ATF7: variants seen among roughly 807,000 people sequenced by gnomAD.
The protein encoded by ATF7 is cyclic AMP-dependent transcription factor ATF-7.
A neutral mutation model predicts 50.4 loss-of-function variants in ATF7; 10 were observed. The observed-to-expected ratio is 0.20, with a 90% CI of 0.12 to 0.34. ATF7 has a LOEUF of 0.34. Ranked by LOEUF, ATF7 falls within the 10% of genes least tolerant of loss-of-function variation. The pLI is 1.00. For missense variants in ATF7, 465 were observed against 613.9 expected (o/e 0.76, Z 2.56); for synonymous variants, 201 against 226.4 (o/e 0.89, Z 1.01).
intron 9 of ATF7, among the ~76,000 whole-genome samples, chr12:53,526,322 C>T (rs1233346717): frequency 6.7e-6 from 1 of 149,286 alleles, no homozygotes; most frequent in Non-Finnish European, 1.5e-5. Context: ...AAGCCCTCCT[C>T]CTCCTCCTCC....
intron 1 of ATF7, among the ~76,000 whole-genome samples, chr12:53,623,053 G>GA (rs1944463308): frequency 6.6e-6 from 1 of 152,196 alleles, no homozygotes; most frequent in African/African-American, 2.4e-5. Flanking sequence ...TGAAATACTT[G>GA]AAGACTACCA....
intron 2 of ATF7, among the ~76,000 whole-genome samples, chr12:53,557,755 T>C (rs1453284504): frequency 6.6e-6 from 1 of 152,182 alleles, no homozygotes; most frequent in Non-Finnish European, 1.5e-5. Context: ...TCTGATATGG[T>C]AGCGACTAGC....
chr12:53,546,425 A>ATT lies in ATF7; in HGVS notation c.146-2978_146-2977insAA, dbSNP rs1939918290. 7.9e-5 allele frequency among the ~76,000 whole-genome samples: 12 copies of ATT among 151,356 alleles called. No homozygotes were observed. The Admixed American group carries it at 7.9e-4, about 10-fold the overall frequency. On this transcript the variant is annotated intron_variant, in intron 3 of 11. Coordinates refer to ENST00000420353, the MANE Select transcript of ATF7 (RefSeq NM_006856.3). ...AGAAAATATGGCTTTTGGCTGTTGA[A>ATT]AATTAAGATGATGTTTTCTTTTCTT...
In ATF7 at chr12:53,578,659, C is replaced by G. The variant is rs150468155; in HGVS notation, c.48+22294G>C. On this transcript the variant is annotated intron_variant, in intron 2 of 11. Coordinates refer to ENST00000420353, the MANE Select transcript of ATF7 (RefSeq NM_006856.3). ...ATTAGCTGGGCATGGTGGTGCTTATCTGCTGTTCCAGCTACTCCAGTGGCT... is the reference window on the plus strand; with the variant it reads ...ATTAGCTGGGCATGGTGGTGCTTATGTGCTGTTCCAGCTACTCCAGTGGCT... Among the ~76,000 whole-genome samples, 46 of 151,646 alleles carry G rather than the reference C, an allele frequency of 3.0e-4. 1 individual carries two copies. Among genetic ancestry groups the G allele is most frequent in the African/African-American group, 1.1e-3 (45 of 41,350 alleles).
rs1211238660 is a variant in ATF7 at position 53,566,995 on chromosome 12, G to A, written c.49-14358C>T. ...TCTCGAACTCCTGACCTTGTGATCCGCCCGCCTCTGCCTCCCTAAGTGCTG... is the reference window on the plus strand; with the variant it reads ...TCTCGAACTCCTGACCTTGTGATCCACCCGCCTCTGCCTCCCTAAGTGCTG... On this transcript the variant is annotated intron_variant, in intron 2 of 11. Transcript: ENST00000420353. 4.6e-5 allele frequency among the ~76,000 whole-genome samples: 7 copies of A among 151,956 alleles called. No individual in the cohort carries two copies. The East Asian group carries it at 5.8e-4, about 13-fold the overall frequency.
intron 1 of ATF7, among the ~76,000 whole-genome samples, chr12:53,608,586 T>C (rs925294980): frequency 1.3e-5 from 2 of 152,142 alleles, no homozygotes; most frequent in African/African-American, 2.4e-5. Context: ...AAAGGGAATA[T>C]AGAGCTGAAA....
intron 11 of ATF7, 41 bp from the exon 12 acceptor site, chr12:53,517,395 G>T: frequency 6.4e-7 from 1 of 1,565,230 alleles, no homozygotes; most frequent in Non-Finnish European, 8.7e-7. Context: ...CAATTGGTTA[G>T]AAAACAGAAT....
chr12:53,609,821 CT>C lies in ATF7; in HGVS notation c.-21-8801del, dbSNP rs757421100. 1.5e-3 allele frequency among the ~76,000 whole-genome samples: 171 copies of C among 115,836 alleles called. 1 individual carries two copies. The highest frequency in any genetic ancestry group is 1.6e-3 in the Admixed American group (16 of 10,258). 76.0% of individuals were successfully genotyped at this position (115,836 alleles called of 152,430 possible). Reference sequence around the variant, plus strand: ...TAGCCTTATTGTTTTAAATGTTATGCTTTTTTTTTTTTTTAGACAGGGTCTT... The same window carrying C: ...TAGCCTTATTGTTTTAAATGTTATGCTTTTTTTTTTTTTAGACAGGGTCTT... On this transcript the variant is annotated intron_variant, in intron 1 of 11. Transcript: ENST00000420353.
At chr12:53,527,143 A>C (rs1271231407) in intron 9 of ATF7, among the ~76,000 whole-genome samples, 1 of 151,992 alleles carries the variant, frequency 6.6e-6, no homozygotes, top group African/African-American at 2.4e-5. Context: ...TGGGCAACAG[A>C]GCGAGACCCT....
chr12:53,531,208 G>C (rs11170584), intron 9 of ATF7, among the ~76,000 whole-genome samples: 6,392 of 151,908 alleles, frequency 0.042, 377 homozygotes, highest in African/African-American at 0.13. Context: ...ATCACCTCAG[G>C]TCAGGAGTTG....
chr12:53,618,779 C>T (rs1224465254), intron 1 of ATF7, among the ~76,000 whole-genome samples: 1 of 152,000 alleles, frequency 6.6e-6, no homozygotes, highest in Non-Finnish European at 1.5e-5. Context: ...GGGTCGGACG[C>T]GATGGTTCTT....
intron 2 of ATF7, among the ~76,000 whole-genome samples, chr12:53,557,264 C>T (rs909301670): frequency 1.3e-5 from 2 of 152,088 alleles, no homozygotes; most frequent in East Asian, 1.9e-4. Flanking sequence ...TGCAGTGGCA[C>T]GATCTTGGCT....
chr12:53,572,263 G>A (rs1200771389), intron 2 of ATF7, among the ~76,000 whole-genome samples: 2 of 152,180 alleles, frequency 1.3e-5, no homozygotes, highest in African/African-American at 4.8e-5. Flanking sequence ...ATCTATCAGA[G>A]AAGTGAGTTC....
intron 2 of ATF7, among the ~76,000 whole-genome samples, chr12:53,567,726 G>C (rs1430917699): frequency 6.6e-6 from 1 of 152,194 alleles, no homozygotes; most frequent in African/African-American, 2.4e-5. Flanking sequence ...CCTAATGGTA[G>C]ACCTTTTAGT....
intron 3 of ATF7, among the ~76,000 whole-genome samples, chr12:53,548,066 T>C (rs1187088990): frequency 1.3e-5 from 2 of 151,416 alleles, no homozygotes; most frequent in African/African-American, 2.4e-5. Flanking sequence ...GGGCCTTCAT[T>C]GTGTTGCCCA....
chr12:53,617,252 G>C (rs111627779), intron 1 of ATF7, among the ~76,000 whole-genome samples: 17,741 of 152,056 alleles, frequency 0.12, 1,152 homozygotes, highest in Admixed American at 0.19. Flanking sequence ...CGAACTCCTG[G>C]GCCCAAGCCT....
At position 53,543,527 on chromosome 12, in the gene ATF7, T is replaced by C. The variant is rs1045017067; in HGVS notation, c.146-79A>G. On this transcript the variant is annotated intron_variant, in intron 3 of 11. Coordinates refer to ENST00000420353, the MANE Select transcript of ATF7 (RefSeq NM_006856.3). Reference sequence around the variant, plus strand: ...TTGATATTAAATAGTATATAGAGAATGCATTTGTACTTTTTGATTTGGAGA... The same window carrying C: ...TTGATATTAAATAGTATATAGAGAACGCATTTGTACTTTTTGATTTGGAGA... The C allele has an allele frequency of 4.3e-6, 6 of 1,382,484 alleles. No individual in the cohort carries two copies. In the African/African-American group the frequency reaches 7.3e-5, roughly 17 times the overall value. The allele number at this position is 1,382,484 out of a possible 1,614,324, so 85.6% of individuals were successfully genotyped here.
rs1221897970 is a variant in ATF7, at chr12:53,512,407, T to C, written c.*4730A>G. 1.3e-5 allele frequency: 2 copies of C among 152,272 alleles called. No homozygotes were observed. The highest frequency in any genetic ancestry group is 2.9e-5 in the Non-Finnish European group (2 of 68,060). The allele number at this position is 152,272 out of a possible 1,614,324, so 9.4% of individuals were successfully genotyped here. On this transcript the variant is annotated 3_prime_UTR_variant, in exon 12 of 12. Transcript: ENST00000420353. ...GACCGAGTTGAGTTCCTTGATAAGATGGAGAGGTGTTGCTACATGTCAAAA... is the reference window on the plus strand; with the variant it reads ...GACCGAGTTGAGTTCCTTGATAAGACGGAGAGGTGTTGCTACATGTCAAAA...
intron 1 of ATF7, among the ~76,000 whole-genome samples, chr12:53,606,719 C>G (rs200644687): frequency 2.5e-5 from 3 of 118,076 alleles, no homozygotes; most frequent in Non-Finnish European, 5.1e-5. Flanking sequence ...CCCCCTCCCC[C>G]CACCCCACAA....
Sources: gnomAD v4.1 joint callset for allele counts (sites outside exome capture counted in the v4.1 genomes callset) on GRCh38, gnomAD v4.1.1 for gene constraint, MANE v1.5 for transcripts, NCBI Gene and HGNC (gene_info 2026-07-23, HGNC 2026-07-21) for gene names.